The following SETD3 variants were observed in gnomAD, a reference collection of about 807,000 sequenced individuals.
The protein encoded by SETD3 is actin-histidine N-methyltransferase.
Under a neutral mutation model 63.0 loss-of-function variants are expected in SETD3, and 19 were observed. That is an observed-to-expected ratio of 0.30 (90% CI 0.21 to 0.44). SETD3 has a LOEUF of 0.44. Ranked by LOEUF, SETD3 falls within the 20% of genes least tolerant of loss-of-function variation. The pLI, the probability that SETD3 is intolerant of heterozygous loss-of-function variation, is 1.00. For synonymous variants in SETD3, 286 were observed against 264.1 expected, an observed-to-expected ratio of 1.08 and a Z score of -0.80; for missense variants, 587 against 728.5, an observed-to-expected ratio of 0.81 and a Z score of 2.24.
chr14:99,423,588 C>CAAAAAAAAGAAAAAAAAAA (rs1892707355), intron 6 of SETD3, among the ~76,000 whole-genome samples: 1 of 36,902 alleles, frequency 2.7e-5, no homozygotes, highest in African/African-American at 9.3e-5. Context: ...CACTGTTATG[C>CAAAAAAAAGAAAAAAAAAA]AAAAAAAAAA....
intron 8 of SETD3, among the ~76,000 whole-genome samples, chr14:99,411,004 A>T (rs981874942): frequency 3.3e-5 from 5 of 152,254 alleles, no homozygotes; most frequent in Non-Finnish European, 5.9e-5. Flanking sequence ...CTTTATTTTT[A>T]AAAAGACATT....
At chr14:99,412,693 ACATGTAGTT>A (rs1438140006) in intron 8 of SETD3, 1 of 362,576 alleles carries the variant, frequency 2.8e-6, no homozygotes, top group Non-Finnish European at 4.9e-6. Flanking sequence ...CTTAGCAAAC[ACATGTAGTT>A]CACTGTGGCT....
At chr14:99,432,791 G>A (rs1893255001) in intron 6 of SETD3, among the ~76,000 whole-genome samples, 1 of 152,180 alleles carries the variant, frequency 6.6e-6, no homozygotes, top group Non-Finnish European at 1.5e-5. Context: ...GCTCTTTGCT[G>A]TGGGGATGTC....
At chr14:99,467,170 ATG>A (rs1175496895) in intron 1 of SETD3, among the ~76,000 whole-genome samples, 1 of 152,256 alleles carries the variant, frequency 6.6e-6, no homozygotes, top group African/African-American at 2.4e-5. Flanking sequence ...ATAAAGAATA[ATG>A]TGTAACACAT....
At position 99,461,277 on chromosome 14, in the gene SETD3, G is replaced by A. The variant is rs1228104144; in HGVS notation, c.260C>T (p.Ser87Phe). 1 of 1,614,172 alleles carries A rather than the reference G, an allele frequency of 6.2e-7. No homozygotes were observed. Among genetic ancestry groups the A allele is most frequent in the South Asian group, 1.1e-5 (1 of 91,090 alleles). The change falls in exon 4 of 13, where the codon TCT becomes TTT. Residue 87 changes from serine (S) to phenylalanine (F), a missense_variant. Physicochemically the swap from Ser to Phe is radical, Grantham distance 155. Coordinates refer to ENST00000331768, the MANE Select transcript of SETD3 (RefSeq NM_032233.3). ...ACCCTCGACAGAAGCCCCATTTTCA[G>A]AGGCCCATTTCATTAGATCAGGAAA... ...DYFPDLMKWA[S>F]ENGASVEGFE...
Position 99,455,393 on chromosome 14 carries a change from T to TG in SETD3, c.675+2885_675+2886insC, listed in dbSNP as rs1894702100. ...TTATAACCTGAATCTTAGGTTTACA[T>TG]TTTTTCAGTGTTTGTTCCCCTGTAT... On this transcript the variant is annotated intron_variant, in intron 6 of 12. Transcript: ENST00000331768. 1.3e-5 allele frequency among the ~76,000 whole-genome samples: 2 copies of TG among 152,254 alleles called. 1 individual carries two copies. Among genetic ancestry groups the TG allele is most frequent in the South Asian group, 4.1e-4 (2 of 4,834 alleles).
At chr14:99,473,702 G>A (rs1895823424) in intron 1 of SETD3, among the ~76,000 whole-genome samples, 2 of 152,124 alleles carry the variant, frequency 1.3e-5, no homozygotes, top group Admixed American at 1.3e-4. Context: ...AGGAAGAATA[G>A]GAAATACTCT....
At chr14:99,445,297 C>T (rs1211701106) in intron 6 of SETD3, among the ~76,000 whole-genome samples, 1 of 152,216 alleles carries the variant, frequency 6.6e-6, no homozygotes, top group African/African-American at 2.4e-5. Context: ...CCAGCATTTC[C>T]GTTAAGGCAA....
At chr14:99,464,926 C>T (rs1418515452) in intron 2 of SETD3, among the ~76,000 whole-genome samples, 2 of 152,070 alleles carry the variant, frequency 1.3e-5, no homozygotes, top group Non-Finnish European at 2.9e-5. Context: ...GAGGATCTCT[C>T]GAGCCCAAGA....
chr14:99,477,700 A>G (rs1203775249), intron 1 of SETD3, among the ~76,000 whole-genome samples: 1 of 148,730 alleles, frequency 6.7e-6, no homozygotes, highest in Non-Finnish European at 1.5e-5. Flanking sequence ...GTGAGCCGAG[A>G]TCACGACATT....
chr14:99,483,504 C>G (rs1469187732), upstream of SETD3, among the ~76,000 whole-genome samples: 2 of 152,176 alleles, frequency 1.3e-5, no homozygotes, highest in African/African-American at 4.8e-5. Flanking sequence ...GAGCCGTGAT[C>G]GGGTGACTGC....
At chr14:99,442,689 G>A (rs1015067236) in intron 6 of SETD3, among the ~76,000 whole-genome samples, 2 of 152,212 alleles carry the variant, frequency 1.3e-5, no homozygotes, top group Non-Finnish European at 1.5e-5. Flanking sequence ...AATACAGTAT[G>A]TAATACATTT....
At chr14:99,401,870 T>C (rs1051344384) in intron 11 of SETD3, among the ~76,000 whole-genome samples, 4 of 152,178 alleles carry the variant, frequency 2.6e-5, no homozygotes, top group African/African-American at 9.7e-5. Flanking sequence ...GAGCTTTCTC[T>C]CCGCTACTTT....
In SETD3 at chr14:99,398,559, C is replaced by T; in HGVS notation, c.*120G>A. 1 of 950,430 alleles carries T rather than the reference C, an allele frequency of 1.1e-6. No individual in the cohort carries two copies. The highest frequency in any genetic ancestry group is 1.6e-6 in the Non-Finnish European group (1 of 644,040). 58.9% of individuals were successfully genotyped at this position (950,430 alleles called of 1,614,324 possible). ...TTAAAAAAACCATTTTTATATAAAG[C>T]AGCAAAAACATATCTTCCTCTCTGC... On this transcript the variant is annotated 3_prime_UTR_variant, in exon 13 of 13. Transcript: ENST00000331768.
chr14:99,457,906 A>G (rs532127934), intron 6 of SETD3, among the ~76,000 whole-genome samples: 2 of 152,376 alleles, frequency 1.3e-5, no homozygotes, highest in African/African-American at 4.8e-5. Flanking sequence ...ACTAACATAT[A>G]TAGAAAAAAA....
chr14:99,410,140 G>A, intron 8 of SETD3: 2 of 1,546,764 alleles, frequency 1.3e-6, no homozygotes, highest in Non-Finnish European at 1.8e-6. Flanking sequence ...AGGTCTATGA[G>A]TGAGTCCCGT....
chr14:99,425,253 T>C (rs1449502812), intron 6 of SETD3, among the ~76,000 whole-genome samples: 4 of 152,218 alleles, frequency 2.6e-5, no homozygotes, highest in Non-Finnish European at 5.9e-5. Context: ...CCAACTATCT[T>C]GCCAAAGTCA....
At chr14:99,462,554 C>A (rs1895129256) in intron 3 of SETD3, among the ~76,000 whole-genome samples, 1 of 152,182 alleles carries the variant, frequency 6.6e-6, no homozygotes, top group Non-Finnish European at 1.5e-5. Flanking sequence ...AAATGCTTTA[C>A]CCTCAGTGTC....
chr14:99,418,731 CCAAT>C (rs1892413374), intron 6 of SETD3, among the ~76,000 whole-genome samples: 1 of 151,910 alleles, frequency 6.6e-6, no homozygotes, highest in Admixed American at 6.6e-5. Context: ...CAATACTGCA[CCAAT>C]CAGAGAGAGA....
Sources: gnomAD v4.1 joint callset for allele counts (sites outside exome capture counted in the v4.1 genomes callset) on GRCh38, gnomAD v4.1.1 for gene constraint, MANE v1.5 for transcripts, NCBI Gene and HGNC (gene_info 2026-07-23, HGNC 2026-07-21) for gene names.